The following LRFN5 variants were observed in gnomAD, a reference collection of about 807,000 sequenced individuals.
LRFN5 encodes the protein leucine-rich repeat and fibronectin type-III domain-containing protein 5.
LRFN5 carries 24 observed loss-of-function variants against 45.6 expected under a neutral mutation model. The ratio of observed to expected loss-of-function variants is 0.53; its 90% CI spans 0.38 to 0.74. The LOEUF (loss-of-function observed/expected upper bound fraction) is 0.74, where lower values mean the gene tolerates loss of function less well. LRFN5 is among the 30% of genes least tolerant of loss of function. LRFN5 has a pLI of 0.00. For synonymous variants in LRFN5, 340 were observed against 313.8 expected (o/e 1.08, Z -0.88); for missense variants, 776 against 861.5 (o/e 0.90, Z 1.24).
At chr14:41,695,990 G>C (rs1049682857) in intron 1 of LRFN5, among the ~76,000 whole-genome samples, 1 of 151,908 alleles carries the variant, frequency 6.6e-6, no homozygotes, top group Non-Finnish European at 1.5e-5. Flanking sequence ...AACCCTTCTA[G>C]ATGTCATTAA....
chr14:41,778,170 C>T (rs2138909740), intron 2 of LRFN5, among the ~76,000 whole-genome samples: 1 of 151,408 alleles, frequency 6.6e-6, no homozygotes, highest in East Asian at 1.9e-4. Context: ...TTTATAATGA[C>T]TGAAAATAAA....
chr14:41,674,178 C>G (rs1195249569), intron 1 of LRFN5, among the ~76,000 whole-genome samples: 1 of 120,248 alleles, frequency 8.3e-6, no homozygotes, highest in Non-Finnish European at 1.7e-5. Flanking sequence ...ACCTCCCAGA[C>G]GGGGCGGCTG....
chr14:41,763,451 C>A (rs748119551), intron 1 of LRFN5, among the ~76,000 whole-genome samples: 1 of 152,080 alleles, frequency 6.6e-6, no homozygotes, highest in African/African-American at 2.4e-5. Flanking sequence ...AGAGCTTTGC[C>A]CATTTTTTCT....
In LRFN5 at chr14:41,647,111, C is replaced by G. The variant is rs1389600335; in HGVS notation, c.-197+38549C>G. On this transcript the variant is annotated intron_variant, in intron 1 of 5. Transcript: ENST00000298119. ...TTAGCCCCAAGTCTTATCAAGTTCC[C>G]CTGATGTTTATATTGTTGGTGTTTA... Among the ~76,000 whole-genome samples the G allele has an allele frequency of 8.5e-5, 13 of 152,222 alleles. 1 individual carries two copies. In the South Asian group the frequency reaches 2.7e-3, roughly 32 times the overall value.
At chr14:41,880,523 T>G (rs189805153) in intron 2 of LRFN5, among the ~76,000 whole-genome samples, 2 of 152,254 alleles carry the variant, frequency 1.3e-5, no homozygotes, top group African/African-American at 4.8e-5. Context: ...ATTAATTACT[T>G]TAATTTTAAT....
At chr14:41,840,904 C>A (rs917542829) in intron 2 of LRFN5, among the ~76,000 whole-genome samples, 4 of 151,866 alleles carry the variant, frequency 2.6e-5, no homozygotes, top group South Asian at 2.1e-4. Flanking sequence ...TGAATCTACA[C>A]AGGGGTTGTA....
intron 1 of LRFN5, among the ~76,000 whole-genome samples, chr14:41,735,713 T>G (rs4904757): frequency 0.15 from 22,985 of 152,026 alleles, 2,358 homozygotes; most frequent in East Asian, 0.43. Flanking sequence ...CTATCAACCC[T>G]TCATTGACAT....
rs1887501583 is a variant in LRFN5, at chr14:41,606,894, A to C, written c.-1865A>C. Among the ~76,000 whole-genome samples, 1 of 148,376 alleles carries C rather than the reference A, an allele frequency of 6.7e-6. No homozygotes were observed. Among genetic ancestry groups the C allele is most frequent in the Non-Finnish European group, 1.5e-5 (1 of 66,638 alleles). On this transcript the variant is annotated 5_prime_UTR_variant, in exon 1 of 6. An upstream start codon of the reference 5' UTR is lost. Transcript: ENST00000298119. Reference sequence around the variant, plus strand: ...CGCCGCCGCCGCCGCCGCCGCCTTCATGCTGCAGCGCAGGGCTCAGTTCCA... The same window carrying C: ...CGCCGCCGCCGCCGCCGCCGCCTTCCTGCTGCAGCGCAGGGCTCAGTTCCA...
chr14:41,786,493 T>C (rs1305785089), intron 2 of LRFN5, among the ~76,000 whole-genome samples: 1 of 151,810 alleles, frequency 6.6e-6, no homozygotes, highest in Non-Finnish European at 1.5e-5. Flanking sequence ...TGTTCTTCTG[T>C]ATGTAGTGTA....
intron 1 of LRFN5, among the ~76,000 whole-genome samples, chr14:41,633,946 A>C (rs1255033865): frequency 3.3e-5 from 5 of 152,112 alleles, no homozygotes; most frequent in Non-Finnish European, 7.4e-5. Flanking sequence ...TTTTTCCTAG[A>C]GATATGGAAC....
chr14:41,775,806 A>C (rs1196889150), intron 2 of LRFN5, among the ~76,000 whole-genome samples: 2 of 152,242 alleles, frequency 1.3e-5, no homozygotes, highest in African/African-American at 4.8e-5. Flanking sequence ...ATGTAATTTT[A>C]AATTAATGTT....
At chr14:41,754,223 C>A (rs1377289098) in intron 1 of LRFN5, among the ~76,000 whole-genome samples, 3 of 151,994 alleles carry the variant, frequency 2.0e-5, no homozygotes, top group African/African-American at 7.3e-5. Flanking sequence ...GTCTAAAATT[C>A]TCTTTTTTTG....
chr14:41,673,274 A>G (rs1252373447), intron 1 of LRFN5, among the ~76,000 whole-genome samples: 3 of 151,004 alleles, frequency 2.0e-5, no homozygotes, highest in East Asian at 2.0e-4. Context: ...GGGGCTCCTC[A>G]CTTCCCAGTA....
At chr14:41,792,165 A>G (rs1184822185) in intron 2 of LRFN5, among the ~76,000 whole-genome samples, 2 of 152,018 alleles carry the variant, frequency 1.3e-5, no homozygotes, top group African/African-American at 4.8e-5. Flanking sequence ...GCAAGTTTTT[A>G]TTAAGGGTTT....
At chr14:41,620,307 A>T (rs940795045) in intron 1 of LRFN5, among the ~76,000 whole-genome samples, 3 of 152,142 alleles carry the variant, frequency 2.0e-5, no homozygotes, top group Admixed American at 6.6e-5. Context: ...AATAATATAT[A>T]GTTCTAATAG....
chr14:41,764,523 G>C (rs1433046697), intron 1 of LRFN5, among the ~76,000 whole-genome samples: 2 of 152,072 alleles, frequency 1.3e-5, no homozygotes, highest in Non-Finnish European at 2.9e-5. Context: ...AGTTGTTACT[G>C]TGCTTTTCAT....
chr14:41,649,748 C>T (rs1447448054), intron 1 of LRFN5, among the ~76,000 whole-genome samples: 3 of 152,130 alleles, frequency 2.0e-5, no homozygotes, highest in African/African-American at 7.2e-5. Context: ...ATTCTCCTTA[C>T]CCCTGACGTT....
At chr14:41,837,988 A>G (rs1398268110) in intron 2 of LRFN5, among the ~76,000 whole-genome samples, 2 of 152,212 alleles carry the variant, frequency 1.3e-5, no homozygotes, top group African/African-American at 4.8e-5. Context: ...TATATTTAGT[A>G]TCTGGAAAAA....
At chr14:41,904,012 T>C in intron 5 of LRFN5, 146 bp from the exon 6 acceptor site, 4 of 626,406 alleles carry the variant, frequency 6.4e-6, no homozygotes, top group Non-Finnish European at 1.1e-5. Flanking sequence ...CATGGGTGTG[T>C]GCTGTATTTC....
Sources: gnomAD v4.1 joint callset for allele counts (sites outside exome capture counted in the v4.1 genomes callset) on GRCh38, gnomAD v4.1.1 for gene constraint, MANE v1.5 for transcripts, NCBI Gene and HGNC (gene_info 2026-07-23, HGNC 2026-07-21) for gene names.